The following ROBO2 variants were observed in gnomAD, a reference collection of about 807,000 sequenced individuals.
ROBO2 encodes roundabout homolog 2.
In ROBO2, 53 loss-of-function variants were observed where a neutral mutation model predicts 160.8. The observed-to-expected ratio is 0.33, with a 90% CI of 0.26 to 0.41. The LOEUF is 0.41. ROBO2 is among the 10% of genes least tolerant of loss of function. The pLI, the probability that ROBO2 is intolerant of heterozygous loss-of-function variation, is 1.00. For missense variants in ROBO2, 1,577 were observed against 1,722.4 expected (o/e 0.92, Z 1.49); for synonymous variants, 664 against 611.7 (o/e 1.09, Z -1.26).
intron 2 of ROBO2, among the ~76,000 whole-genome samples, chr3:76,413,127 G>A (rs2075581431): frequency 6.6e-6 from 1 of 152,202 alleles, no homozygotes; most frequent in Non-Finnish European, 1.5e-5. Context: ...CAGCATGGCT[G>A]GAGCAGCTGG....
chr3:77,391,052 C>A (rs548938342), intron 2 of ROBO2, among the ~76,000 whole-genome samples: 12 of 152,146 alleles, frequency 7.9e-5, no homozygotes, highest in African/African-American at 2.9e-4. Flanking sequence ...CTGCATCCCC[C>A]TCAAAAGGCA....
chr3:76,782,672 C>T (rs2062724270), intron 2 of ROBO2, among the ~76,000 whole-genome samples: 1 of 150,598 alleles, frequency 6.6e-6, no homozygotes, highest in Non-Finnish European at 1.5e-5. Flanking sequence ...TTAAAATCTA[C>T]TTCATCTCAT....
chr3:76,704,193 C>G (rs2093108679), intron 2 of ROBO2, among the ~76,000 whole-genome samples: 2 of 152,056 alleles, frequency 1.3e-5, no homozygotes, highest in South Asian at 4.1e-4. Flanking sequence ...AACTTCTTCC[C>G]TCATTTATGT....
chr3:77,208,687 GC>G (rs2083731062), intron 2 of ROBO2, among the ~76,000 whole-genome samples: 1 of 152,152 alleles, frequency 6.6e-6, no homozygotes, highest in African/African-American at 2.4e-5. Flanking sequence ...ATGGTTCTAT[GC>G]CTTATGATAC....
At chr3:76,683,038 C>A (rs2092603281) in intron 2 of ROBO2, among the ~76,000 whole-genome samples, 1 of 152,004 alleles carries the variant, frequency 6.6e-6, no homozygotes, top group Non-Finnish European at 1.5e-5. Flanking sequence ...CAGATGTGAG[C>A]CTTACAGAAC....
intron 1 of ROBO2, among the ~76,000 whole-genome samples, chr3:77,084,428 C>G (rs951758866): frequency 2.0e-5 from 3 of 151,946 alleles, no homozygotes; most frequent in Admixed American, 2.0e-4. Context: ...TTAGAAATAC[C>G]ACCCTGTTCG....
intron 2 of ROBO2, among the ~76,000 whole-genome samples, chr3:76,556,927 TA>T (rs2083831879): frequency 6.6e-6 from 1 of 152,160 alleles, no homozygotes; most frequent in African/African-American, 2.4e-5. Flanking sequence ...GTCATCTCCA[TA>T]ATTCTAAATA....
intron 21 of ROBO2, among the ~76,000 whole-genome samples, chr3:77,616,932 T>G (rs2153702572): frequency 6.6e-6 from 1 of 152,328 alleles, no homozygotes; most frequent in South Asian, 2.1e-4. Context: ...ACTCCTGTTT[T>G]GTGATTTGCA....
chr3:76,233,975 G>T (rs1298163045), intron 2 of ROBO2, among the ~76,000 whole-genome samples: 1 of 152,030 alleles, frequency 6.6e-6, no homozygotes, highest in Non-Finnish European at 1.5e-5. Context: ...CTCTTCCCAC[G>T]CTCCAACCTC....
chr3:76,439,190 C>T (rs1296790674), intron 2 of ROBO2, among the ~76,000 whole-genome samples: 1 of 151,974 alleles, frequency 6.6e-6, no homozygotes, highest in Non-Finnish European at 1.5e-5. Context: ...AAGTACTATG[C>T]GAGGGTCTAG....
chr3:77,645,437 T>C (rs1415091536), intron 25 of ROBO2, among the ~76,000 whole-genome samples: 1 of 152,214 alleles, frequency 6.6e-6, no homozygotes, highest in Non-Finnish European at 1.5e-5. Flanking sequence ...AGGTAGTTAG[T>C]ACAATTAATT....
chr3:77,087,436 A>G (rs1037914102), intron 1 of ROBO2, among the ~76,000 whole-genome samples: 4 of 152,184 alleles, frequency 2.6e-5, no homozygotes, highest in Non-Finnish European at 5.9e-5. Context: ...ATAAGCCATG[A>G]AAACCTCTGA....
At chr3:76,080,517 A>G (rs2068790333) in intron 2 of ROBO2, among the ~76,000 whole-genome samples, 1 of 152,220 alleles carries the variant, frequency 6.6e-6, no homozygotes. Context: ...AATTTCTGCC[A>G]TTGTGAAGTT....
At chr3:76,206,193 C>G (rs1229538434) in intron 2 of ROBO2, among the ~76,000 whole-genome samples, 1 of 152,064 alleles carries the variant, frequency 6.6e-6, no homozygotes, top group African/African-American at 2.4e-5. Flanking sequence ...GACCTGGCTG[C>G]CCCAAAGCCT....
intron 2 of ROBO2, among the ~76,000 whole-genome samples, chr3:76,642,359 T>C (rs2090728369): frequency 7.1e-6 from 1 of 140,642 alleles, no homozygotes; most frequent in African/African-American, 2.7e-5. Flanking sequence ...TTTTTTTTTT[T>C]TTTTTTTTTT....
chr3:76,212,384 G>A (rs1217905507), intron 2 of ROBO2, among the ~76,000 whole-genome samples: 1 of 151,790 alleles, frequency 6.6e-6, no homozygotes, highest in East Asian at 1.9e-4. Context: ...TTAAAAGAGG[G>A]ACAGGGCCCG....
chr3:76,277,304 G>A (rs1707982491), intron 2 of ROBO2, among the ~76,000 whole-genome samples: 1 of 151,976 alleles, frequency 6.6e-6, no homozygotes, highest in Admixed American at 6.6e-5. Context: ...TTAAACAACA[G>A]CAACAACAAA....
intron 2 of ROBO2, among the ~76,000 whole-genome samples, chr3:76,612,460 A>G (rs2088202991): frequency 6.6e-6 from 1 of 152,220 alleles, no homozygotes; most frequent in Non-Finnish European, 1.5e-5. Flanking sequence ...ACAGAAAACC[A>G]AACACCACAT....
At position 76,353,492 on chromosome 3, in the gene ROBO2, A is replaced by G. The variant is rs1398282235; in HGVS notation, c.109+415890A>G. ...GTTCATGTGCAGAATTTAATGAACTACATTGCACATTCAGCCACATCTGCT... is the reference window on the plus strand; with the variant it reads ...GTTCATGTGCAGAATTTAATGAACTGCATTGCACATTCAGCCACATCTGCT... On this transcript the variant is annotated intron_variant, in intron 2 of 26. Transcript: ENST00000487694. 3.9e-5 allele frequency among the ~76,000 whole-genome samples: 6 copies of G among 152,132 alleles called. No individual in the cohort carries two copies. The South Asian group carries it at 8.3e-4, about 21-fold the overall frequency.
Sources: allele counts gnomAD v4.1 joint callset (sites outside exome capture counted in the v4.1 genomes callset), GRCh38; gene constraint gnomAD v4.1.1; transcripts MANE v1.5; gene names NCBI Gene and HGNC (gene_info 2026-07-23, HGNC 2026-07-21).